ANO1: variants seen among roughly 807,000 people sequenced by gnomAD.
ANO1 encodes the protein anoctamin 1.
Under a neutral mutation model 124.0 loss-of-function variants are expected in ANO1, and 59 were observed. That is an observed-to-expected ratio of 0.48 (90% CI 0.39 to 0.59). The LOEUF is 0.59. Among genes scored for constraint, ANO1 ranks in the 20% least tolerant of loss-of-function variants. The pLI, the probability that ANO1 is intolerant of heterozygous loss-of-function variation, is 0.00. For missense variants in ANO1, 1,059 were observed against 1,328.0 expected, an observed-to-expected ratio of 0.80 and a Z score of 3.15; for synonymous variants, 529 against 532.0, an observed-to-expected ratio of 0.99 and a Z score of 0.08.
chr11:70,161,307 C>T lies in ANO1; in HGVS notation c.1725C>T (p.Val575=). 1 of 1,614,024 alleles carries T rather than the reference C, an allele frequency of 6.2e-7. No individual in the cohort carries two copies. The highest frequency in any genetic ancestry group is 8.5e-7 in the Non-Finnish European group (1 of 1,179,892). The change falls in exon 17 of 26, where the codon GTC becomes GTT. Residue 575 remains valine, a synonymous_variant. Coordinates refer to ENST00000355303, the MANE Select transcript of ANO1 (RefSeq NM_018043.7). ...TATAVIINLV[V]IILLDEVYGC... is the part of the protein sequence containing the mutation. ...CCGCAGTCATCATCAACCTAGTGGT[C>T]ATCATCCTCCTGGACGAGGTGTATG... is the stretch of plus-strand genomic sequence containing the variant.
At chr11:70,089,719 G>C (rs542420949) in intron 2 of ANO1, among the ~76,000 whole-genome samples, 5 of 152,218 alleles carry the variant, frequency 3.3e-5, no homozygotes, top group Non-Finnish European at 5.9e-5. Context: ...AGCTGCCAGG[G>C]AACAGTGTCC....
chr11:70,087,787 G>C lies in ANO1; in HGVS notation c.144G>C (p.Glu48Asp). 1 of 1,610,670 alleles carries C rather than the reference G, an allele frequency of 6.2e-7. No homozygotes were observed. ...LNSLSVDPDA[E>D]CKYGLYFRDG... ...CCTTATCTGTGGACCCTGATGCCGA[G>C]TGCAAGTATGGCCTGTACTTCAGGG... The change falls in exon 2 of 26, where the codon GAG becomes GAC. Residue 48 changes from glutamate to aspartate, a missense_variant. Around this residue, in one of 2 missense-constraint regions of ANO1, gnomAD observed 250 missense variants for 233.1 expected, o/e 1.07. Coordinates refer to ENST00000355303, the MANE Select transcript of ANO1 (RefSeq NM_018043.7).
chr11:70,081,044 G>C (rs1340468534), intron 1 of ANO1, among the ~76,000 whole-genome samples: 1 of 152,226 alleles, frequency 6.6e-6, no homozygotes, highest in Admixed American at 6.5e-5. Context: ...CTGTTCTCAG[G>C]TGTGAAACTC....
chr11:70,096,864 A>AAATAATAATAATAAT (rs746050611), intron 2 of ANO1, among the ~76,000 whole-genome samples: 1 of 151,474 alleles, frequency 6.6e-6, no homozygotes, highest in African/African-American at 2.4e-5. Context: ...CTGTCTCAAA[A>AAATAATAATAATAAT]AATAATAATA....
At chr11:70,030,593 A>G (rs1260384198) in intron 1 of ANO1, among the ~76,000 whole-genome samples, 1 of 152,128 alleles carries the variant, frequency 6.6e-6, no homozygotes, top group Non-Finnish European at 1.5e-5. Context: ...TGGTGGCTGC[A>G]TTACCCAGCT....
intron 9 of ANO1, among the ~76,000 whole-genome samples, chr11:70,125,801 G>A (rs531243787): frequency 2.0e-5 from 3 of 149,590 alleles, no homozygotes; most frequent in East Asian, 2.0e-4. Flanking sequence ...CCGAGATAGC[G>A]CCACTGCACT....
rs188073341 is a variant in ANO1 at position 70,049,002 on chromosome 11, G to A, written c.59-29540G>A. ...GGGCATACGCTTCCCGGACAAGCAG[G>A]ATGCGTTTTCTTCCTGAACCACAAC... On this transcript the variant is annotated intron_variant, in intron 1 of 27. Transcript: ENST00000531349. 3.3e-3 allele frequency among the ~76,000 whole-genome samples: 500 copies of A among 152,224 alleles called. 4 individuals carry two copies. The highest frequency in any genetic ancestry group is 0.011 in the African/African-American group (473 of 41,542).
At chr11:70,095,764 G>A (rs1012576262) in intron 2 of ANO1, among the ~76,000 whole-genome samples, 5 of 152,118 alleles carry the variant, frequency 3.3e-5, no homozygotes, top group South Asian at 2.1e-4. Context: ...CACCCCCGCC[G>A]GAGCCCCTCA....
chr11:70,132,024 C>T lies in ANO1; in HGVS notation c.1203C>T (p.Ser401=). The T allele has an allele frequency of 6.2e-7, 1 of 1,605,646 alleles. No individual in the cohort carries two copies. The highest frequency in any genetic ancestry group is 1.1e-5 in the South Asian group (1 of 90,080). ...MSSACATARA[S]HLFDNPATVF... ...CAGCCTGCGCCACGGCCCGCGCCAGCCACCTCTTCGACAACCCCGCCACGG... is the reference window on the plus strand; with the variant it reads ...CAGCCTGCGCCACGGCCCGCGCCAGTCACCTCTTCGACAACCCCGCCACGG... The change falls in exon 11 of 26, where the codon AGC becomes AGT. Residue 401 remains serine (S), a synonymous_variant. Transcript: ENST00000355303.
intron 1 of ANO1, among the ~76,000 whole-genome samples, chr11:70,011,052 G>T (rs78795590): frequency 6.6e-6 from 1 of 152,222 alleles, no homozygotes; most frequent in African/African-American, 2.4e-5. Context: ...GCCATGATTT[G>T]GTTGGGGGAG....
At chr11:70,017,442 C>A (rs11236725) in intron 1 of ANO1, among the ~76,000 whole-genome samples, 3 of 126,426 alleles carry the variant, frequency 2.4e-5, no homozygotes, top group South Asian at 2.7e-4. Flanking sequence ...TCCTTCCTTC[C>A]TTCATTCCTT....
intron 2 of ANO1, among the ~76,000 whole-genome samples, chr11:70,100,408 G>C (rs2045219187): frequency 6.6e-6 from 1 of 152,216 alleles, no homozygotes; most frequent in African/African-American, 2.4e-5. Context: ...AGGGAAATTT[G>C]AGACCCAGCG....
chr11:70,049,692 TTTTGTTTG>T (rs138005685), intron 1 of ANO1, among the ~76,000 whole-genome samples: 37,424 of 151,248 alleles, frequency 0.25, 5,184 homozygotes, highest in East Asian at 0.62. Flanking sequence ...GTCTATGTTT[TTTTGTTTG>T]TTTGTTTGTT....
intron 1 of ANO1, among the ~76,000 whole-genome samples, chr11:70,080,164 C>T (rs878898494): frequency 3.3e-5 from 5 of 152,362 alleles, no homozygotes; most frequent in Admixed American, 2.6e-4. Context: ...TTCCATAGTG[C>T]TGGGCCAGTG....
At position 70,029,409 on chromosome 11, in the gene ANO1, G is replaced by A. The variant is rs1023126956; in HGVS notation, c.58+43243G>A. Reference sequence around the variant, plus strand: ...CCCACTCGGCTCATTTGCTTCAAGAGCCATTTGTAGGGGGTGTTTCCTGGG... The same window carrying A: ...CCCACTCGGCTCATTTGCTTCAAGAACCATTTGTAGGGGGTGTTTCCTGGG... On this transcript the variant is annotated intron_variant, in intron 1 of 27. Transcript: ENST00000531349. Among the ~76,000 whole-genome samples, 5 of 152,226 alleles carry A rather than the reference G, an allele frequency of 3.3e-5. No individual in the cohort carries two copies. In the South Asian group the frequency reaches 1.0e-3, roughly 31 times the overall value.
In ANO1 at chr11:70,111,751, C is replaced by G; in HGVS notation, c.844C>G (p.Pro282Ala). The change falls in exon 7 of 26, where the codon CCA becomes GCA. Residue 282 changes from proline to alanine, a missense_variant. Pro to Ala is a conservative substitution (Grantham distance 27). Coordinates refer to ENST00000355303, the MANE Select transcript of ANO1 (RefSeq NM_018043.7). ...LANGVYAAAY[P>A]LHDGDYNGEN... The stretch of plus-strand genomic sequence containing the variant: ...CAATGGTGTGTACGCGGCTGCATAC[C>G]CACTGCACGATGTAAGTAACCTTGA... 6.2e-7 allele frequency: 1 copy of G among 1,614,016 alleles called. No homozygotes were observed. The highest frequency in any genetic ancestry group is 8.5e-7 in the Non-Finnish European group (1 of 1,179,894).
intron 1 of ANO1, among the ~76,000 whole-genome samples, chr11:70,062,929 G>T (rs1320672174): frequency 1.3e-5 from 2 of 151,828 alleles, no homozygotes; most frequent in Non-Finnish European, 2.9e-5. Context: ...GTTGTTGTTT[G>T]TTGTTGTTGT....
chr11:70,084,450 G>A (rs113709075), intron 1 of ANO1, among the ~76,000 whole-genome samples: 1 of 152,296 alleles, frequency 6.6e-6, no homozygotes, highest in African/African-American at 2.4e-5. Flanking sequence ...ATCCTGGCAC[G>A]TTCTGGTCAG....
intron 1 of ANO1, among the ~76,000 whole-genome samples, chr11:70,000,707 C>A (rs1856367264): frequency 6.6e-6 from 1 of 151,772 alleles, no homozygotes; most frequent in Admixed American, 6.6e-5. Context: ...GTGAAAGTGT[C>A]CCCAGTAGCA....
Sources: gnomAD v4.1 joint callset for allele counts (sites outside exome capture counted in the v4.1 genomes callset) on GRCh38, gnomAD v4.1.1 for gene constraint, gnomAD v4.1.1 regional missense constraint, MANE v1.5 for transcripts, NCBI Gene and HGNC (gene_info 2026-07-23, HGNC 2026-07-21) for gene names.